SYTL5: variants seen among roughly 807,000 people sequenced by gnomAD.
SYTL5 encodes synaptotagmin like 5, also known as synaptotagmin-like protein 5.
In SYTL5, 34 loss-of-function variants were observed where a neutral mutation model predicts 55.9. That is an observed-to-expected ratio of 0.61 (90% CI 0.46 to 0.81). SYTL5 has a LOEUF of 0.81. Ranked by LOEUF, SYTL5 falls within the 30% of genes least tolerant of loss-of-function variation. The pLI is 0.00. For missense variants in SYTL5, 637 were observed against 546.7 expected (o/e 1.17, Z -1.65); for synonymous variants, 221 against 188.7 (o/e 1.17, Z -1.40).
the SYTL5 span, among the ~76,000 whole-genome samples, chrX:37,960,408 T>C: frequency 8.9e-6 from 1 of 112,399 alleles, no homozygotes; most frequent in South Asian, 3.7e-4. Flanking sequence ...CCTTGAAACA[T>C]CCTGAATGCT....
intron 10 of SYTL5, among the ~76,000 whole-genome samples, chrX:38,106,158 A>G (rs185627911): frequency 8.6e-4 from 96 of 111,927 alleles, no homozygotes; most frequent in African/African-American, 2.7e-3. Context: ...TCCTGCTAGC[A>G]CAGAATATGA....
intron 1 of SYTL5, among the ~76,000 whole-genome samples, chrX:38,013,476 A>C (rs1381194762): frequency 1.8e-5 from 2 of 111,509 alleles, no homozygotes; most frequent in African/African-American, 6.5e-5. Flanking sequence ...CCTAATGATA[A>C]TGCCAAAGGC....
rs908376837 is a variant in SYTL5, at chrX:38,066,996, A to G, written c.330-5051A>G. On this transcript the variant is annotated intron_variant, in intron 3 of 16. Transcript: ENST00000297875. ...GCCTATTACTTGGTGACTGACATGC[A>G]CTCACTAAGTATTAGTTTCCTGTTC... Among the ~76,000 whole-genome samples, 3 of 111,445 alleles carry G rather than the reference A, an allele frequency of 2.7e-5. No individual in the cohort carries two copies. In the Admixed American group the frequency reaches 2.9e-4, roughly 11 times the overall value.
At chrX:38,014,597 T>C (rs998636420) in intron 1 of SYTL5, among the ~76,000 whole-genome samples, 4 of 111,672 alleles carry the variant, frequency 3.6e-5, no homozygotes, top group Non-Finnish European at 7.5e-5. Context: ...GTTTTATACA[T>C]TTTAGGGAGC....
the SYTL5 span, among the ~76,000 whole-genome samples, chrX:37,944,485 A>G: frequency 8.9e-5 from 10 of 111,866 alleles, no homozygotes; most frequent in Non-Finnish European, 1.7e-4. Flanking sequence ...AATTTGTGAC[A>G]TACCACAAAA....
chrX:38,086,452 C>G (rs1193952522), intron 6 of SYTL5, among the ~76,000 whole-genome samples: 1 of 112,078 alleles, frequency 8.9e-6, no homozygotes, highest in Admixed American at 9.4e-5. Context: ...ATGTGTCTTT[C>G]AGCAACCCAG....
At chrX:38,075,829 A>T (rs910140251) in intron 5 of SYTL5, among the ~76,000 whole-genome samples, 1 of 111,853 alleles carries the variant, frequency 8.9e-6, no homozygotes, top group African/African-American at 3.2e-5. Flanking sequence ...TCCCAATGCC[A>T]TTACAAAAAG....
chrX:38,013,764 C>A (rs1299104889), intron 1 of SYTL5, among the ~76,000 whole-genome samples: 4 of 111,058 alleles, frequency 3.6e-5, no homozygotes, highest in African/African-American at 9.8e-5. Context: ...ACTGACCTCA[C>A]CCCATCTCCA....
At chrX:37,961,006 G>A in the SYTL5 span, among the ~76,000 whole-genome samples, 1 of 108,741 alleles carries the variant, frequency 9.2e-6, no homozygotes, top group Non-Finnish European at 1.9e-5. Context: ...CCGTGGTCTC[G>A]ATCTCCTGAC....
chrX:38,023,003 G>A (rs1934610237), intron 1 of SYTL5, among the ~76,000 whole-genome samples: 1 of 111,692 alleles, frequency 9.0e-6, no homozygotes, highest in South Asian at 3.8e-4. Context: ...AATCATGAAG[G>A]GTTTTGTAAA....
intron 1 of SYTL5, among the ~76,000 whole-genome samples, chrX:38,027,079 G>A (rs188537168): frequency 5.3e-4 from 59 of 111,888 alleles, no homozygotes; most frequent in African/African-American, 1.8e-3. Flanking sequence ...TGTATTCAGA[G>A]TAGAGAGGAG....
At chrX:37,950,486 A>G in the SYTL5 span, among the ~76,000 whole-genome samples, 1 of 111,836 alleles carries the variant, frequency 8.9e-6, no homozygotes, top group Admixed American at 9.5e-5. Flanking sequence ...GTAAAGCAGG[A>G]TATATCTTTA....
At chrX:38,020,123 C>T (rs764945882) in intron 1 of SYTL5, among the ~76,000 whole-genome samples, 2 of 110,326 alleles carry the variant, frequency 1.8e-5, no homozygotes, top group South Asian at 7.7e-4. Context: ...CTGTTCTTTG[C>T]CTGTGTTGTA....
chrX:38,048,193 A>G (rs529573029), intron 2 of SYTL5, among the ~76,000 whole-genome samples: 3,734 of 107,438 alleles, frequency 0.035, 66 homozygotes, highest in Middle Eastern at 0.062. Flanking sequence ...CTCAAAAACA[A>G]AAAAAAAATA....
intron 3 of SYTL5, among the ~76,000 whole-genome samples, chrX:38,062,675 C>G (rs773799423): frequency 1.5e-4 from 17 of 111,636 alleles, no homozygotes; most frequent in African/African-American, 5.5e-4. Context: ...TACTGTTATC[C>G]TGTTGGACAT....
the SYTL5 span, among the ~76,000 whole-genome samples, chrX:37,934,308 G>C: frequency 6.4e-5 from 7 of 110,012 alleles, no homozygotes; most frequent in South Asian, 2.3e-3. Flanking sequence ...AAGAACTAAG[G>C]AAAAGCATAG....
Position 38,096,273 on chromosome X carries a change from A to G in SYTL5, c.1062+39A>G, listed in dbSNP as rs188700913. Reference sequence around the variant, plus strand: ...GGAAGAAAATATAATGAAGAGGAGGAAATAAGGGCATAATCTTGCTCCAAG... The same window carrying G: ...GGAAGAAAATATAATGAAGAGGAGGGAATAAGGGCATAATCTTGCTCCAAG... On this transcript the variant is annotated intron_variant, in intron 9 of 16. Coordinates refer to ENST00000297875, the MANE Select transcript of SYTL5 (RefSeq NM_138780.3). 6.1e-4 allele frequency: 505 copies of G among 828,652 alleles called. 2 individuals carry two copies. In the African/African-American group the frequency reaches 8.1e-3, roughly 13 times the overall value. 68.3% of individuals were successfully genotyped at this position (828,652 alleles called of 1,213,427 possible). A position where few individuals can be genotyped will look rare whatever the true frequency, so the allele number is the denominator to read the frequency against.
intron 2 of SYTL5, among the ~76,000 whole-genome samples, chrX:38,034,753 C>G (rs1335915451): frequency 8.9e-6 from 1 of 112,318 alleles, no homozygotes; most frequent in Non-Finnish European, 1.9e-5. Context: ...GTCGCCTGCT[C>G]TAATTGGTCA....
chrX:38,008,498 CAG>C (rs1934068107), intron 1 of SYTL5, among the ~76,000 whole-genome samples: 1 of 111,456 alleles, frequency 9.0e-6, no homozygotes, highest in Non-Finnish European at 1.9e-5. Flanking sequence ...CTGTTACTTG[CAG>C]AGTTAGCAAC....
Sources: gnomAD v4.1 joint callset for allele counts (sites outside exome capture counted in the v4.1 genomes callset) on GRCh38, gnomAD v4.1.1 for gene constraint, MANE v1.5 for transcripts, NCBI Gene and HGNC (gene_info 2026-07-23, HGNC 2026-07-21) for gene names.